CREB1: variants seen among roughly 807,000 people sequenced by gnomAD.
CREB1 encodes the protein cyclic AMP-responsive element-binding protein 1.
Under a neutral mutation model 42.0 loss-of-function variants are expected in CREB1, and 2 were observed. That is an observed-to-expected ratio of 0.05 (90% CI 0.02 to 0.15). CREB1 has a LOEUF of 0.15. Ranked by LOEUF, CREB1 falls within the 10% of genes least tolerant of loss-of-function variation. The pLI, the probability that CREB1 is intolerant of heterozygous loss-of-function variation, is 1.00. For missense variants in CREB1, 199 were observed against 388.9 expected, an observed-to-expected ratio of 0.51 and a Z score of 4.11; for synonymous variants, 123 against 139.9, an observed-to-expected ratio of 0.88 and a Z score of 0.85.
rs183750763 is a variant in CREB1, at chr2:207,573,192, G to A, written c.506-2080G>A. On this transcript the variant is annotated intron_variant, in intron 5 of 7. Coordinates refer to ENST00000353267, the MANE Select transcript of CREB1 (RefSeq NM_004379.5). ...GTTTTATATAACTAAGGATACATCC[G>A]TTACTTGACTTCTGTCTTTTTATTT... 7.2e-5 allele frequency among the ~76,000 whole-genome samples: 11 copies of A among 152,226 alleles called. No homozygotes were observed. The East Asian group carries it at 1.5e-3, about 21-fold the overall frequency.
intron 2 of CREB1, 77 bp downstream of exon 2, chr2:207,555,826 T>G (rs1468755446): frequency 1.3e-6 from 1 of 791,402 alleles, no homozygotes; most frequent in Non-Finnish European, 2.1e-6. Flanking sequence ...TAGTTGTTAT[T>G]ACATAGATAT....
At chr2:207,567,184 G>A (rs2082170706) in intron 3 of CREB1, among the ~76,000 whole-genome samples, 1 of 151,820 alleles carries the variant, frequency 6.6e-6, no homozygotes, top group African/African-American at 2.4e-5. Context: ...ACAGATGTAA[G>A]AAAAAACTGA....
intron 1 of CREB1, among the ~76,000 whole-genome samples, chr2:207,544,941 A>C (rs2081240958): frequency 6.6e-6 from 1 of 152,144 alleles, no homozygotes; most frequent in Admixed American, 6.5e-5. Context: ...GTGTGTATGT[A>C]CCACATTTTC....
intron 7 of CREB1, among the ~76,000 whole-genome samples, chr2:207,584,237 G>A (rs541386647): frequency 7.7e-4 from 117 of 152,220 alleles, no homozygotes; most frequent in Admixed American, 1.9e-3. Flanking sequence ...CTGTCCAATT[G>A]TTTTCCAAAA....
intron 3 of CREB1, among the ~76,000 whole-genome samples, chr2:207,565,785 C>T (rs1209959993): frequency 6.6e-6 from 1 of 152,162 alleles, no homozygotes; most frequent in African/African-American, 2.4e-5. Flanking sequence ...AGGGAAACAA[C>T]ACTTGTCACA....
intron 1 of CREB1, among the ~76,000 whole-genome samples, chr2:207,530,431 C>T (rs1333740836): frequency 4.1e-5 from 6 of 145,004 alleles, no homozygotes; most frequent in Middle Eastern, 7.2e-3. Flanking sequence ...GAGCCGGCGG[C>T]CGGGGGTGTG....
At chr2:207,576,111 T>G (rs1245274501) in intron 6 of CREB1, among the ~76,000 whole-genome samples, 1 of 151,704 alleles carries the variant, frequency 6.6e-6, no homozygotes, top group Non-Finnish European at 1.5e-5. Flanking sequence ...CCTCTGCACT[T>G]GACTCAGTTT....
rs2087913335 is a variant in CREB1, at chr2:207,605,368, T to C, written c.*8310T>C. Among the ~76,000 whole-genome samples the C allele has an allele frequency of 6.6e-6, 1 of 152,202 alleles. No homozygotes were observed. Among genetic ancestry groups the C allele is most frequent in the South Asian group, 2.1e-4 (1 of 4,830 alleles). On this transcript the variant is annotated 3_prime_UTR_variant, in exon 8 of 8. Coordinates refer to ENST00000353267, the MANE Select transcript of CREB1 (RefSeq NM_004379.5). Reference sequence around the variant, plus strand: ...CATCTGCGTATCTTCTTTGAAGAAATGTCTGTTGAGGTCCTTTGTTCATTG... The same window carrying C: ...CATCTGCGTATCTTCTTTGAAGAAACGTCTGTTGAGGTCCTTTGTTCATTG...
At chr2:207,540,135 G>A (rs1377247000) in intron 1 of CREB1, among the ~76,000 whole-genome samples, 3 of 152,286 alleles carry the variant, frequency 2.0e-5, no homozygotes, top group African/African-American at 2.4e-5. Flanking sequence ...TCCTGTGCTA[G>A]TGTAAGCAAA....
intron 1 of CREB1, among the ~76,000 whole-genome samples, chr2:207,552,967 AT>A (rs1404236852): frequency 6.7e-6 from 1 of 148,164 alleles, no homozygotes; most frequent in Non-Finnish European, 1.5e-5. Flanking sequence ...GAGTGTATTC[AT>A]TTGTTTATTT....
At chr2:207,576,668 G>C in intron 6 of CREB1, 1 of 1,290,198 alleles carries the variant, frequency 7.8e-7, no homozygotes, top group Non-Finnish European at 1.0e-6. Flanking sequence ...CAGTGAATTT[G>C]AATTCTGAAC....
intron 7 of CREB1, among the ~76,000 whole-genome samples, chr2:207,586,094 G>A (rs1008189025): frequency 2.0e-5 from 3 of 151,962 alleles, no homozygotes; most frequent in African/African-American, 7.2e-5. Context: ...CAAAAACAAA[G>A]AAAAAATTCT....
chr2:207,602,663 T>C lies in CREB1; in HGVS notation c.*5605T>C, dbSNP rs572032876. 7.9e-4 allele frequency: 167 copies of C among 210,206 alleles called. 1 individual carries two copies. Among genetic ancestry groups the C allele is most frequent in the African/African-American group, 3.7e-3 (163 of 44,212 alleles). 13.0% of individuals were successfully genotyped at this position (210,206 alleles called of 1,614,324 possible). On this transcript the variant is annotated 3_prime_UTR_variant, in exon 8 of 8. Coordinates refer to ENST00000353267, the MANE Select transcript of CREB1 (RefSeq NM_004379.5). ...CTATCATTGTGTTTGGGAGGTTTTA[T>C]TTTCTTATGTTTTTAAAATTGGTAA...
rs532632789 is a variant in CREB1, at chr2:207,597,298, T to G, written c.*240T>G. ...ACGCCAGGAATCATGAAGAGACTTCTGCTTTTCAACCCCCACCCTCCTCAA... is the reference window on the plus strand; with the variant it reads ...ACGCCAGGAATCATGAAGAGACTTCGGCTTTTCAACCCCCACCCTCCTCAA... On this transcript the variant is annotated 3_prime_UTR_variant, in exon 8 of 8. Transcript: ENST00000353267. 2.4e-5 allele frequency: 10 copies of G among 415,618 alleles called. No individual in the cohort carries two copies. The South Asian group carries it at 4.8e-4, about 20-fold the overall frequency. 25.7% of individuals were successfully genotyped at this position (415,618 alleles called of 1,614,324 possible).
intron 3 of CREB1, among the ~76,000 whole-genome samples, chr2:207,564,053 T>C (rs1382152407): frequency 6.6e-6 from 1 of 152,090 alleles, no homozygotes; most frequent in African/African-American, 2.4e-5. Flanking sequence ...TTAATATTTA[T>C]GCTTATCATA....
At chr2:207,566,348 C>G (rs1004754904) in intron 3 of CREB1, among the ~76,000 whole-genome samples, 2 of 152,122 alleles carry the variant, frequency 1.3e-5, no homozygotes, top group African/African-American at 4.8e-5. Context: ...CTACATAGAC[C>G]CTTTTGTCTT....
intron 2 of CREB1, among the ~76,000 whole-genome samples, chr2:207,557,564 C>A (rs2081779692): frequency 6.6e-6 from 1 of 151,946 alleles, no homozygotes; most frequent in Non-Finnish European, 1.5e-5. Flanking sequence ...CTCCTGTAGT[C>A]CCAGCTACTC....
intron 7 of CREB1, chr2:207,582,833 C>T: frequency 3.0e-6 from 1 of 329,800 alleles, no homozygotes; most frequent in South Asian, 2.3e-5. Flanking sequence ...GTGGAAGTTG[C>T]AGTGAGCTGA....
In CREB1 at chr2:207,539,919, A is replaced by G. The variant is rs557921846; in HGVS notation, c.-9+9785A>G. On this transcript the variant is annotated intron_variant, in intron 1 of 7. Coordinates refer to ENST00000353267, the MANE Select transcript of CREB1 (RefSeq NM_004379.5). ...GAAGAAAGTATTAGATTATAGATCT[A>G]CATTTTGAGGAATGCTGAGTATGAG... is the stretch of plus-strand genomic sequence containing the variant. Among the ~76,000 whole-genome samples the G allele has an allele frequency of 2.0e-5, 3 of 152,344 alleles. No homozygotes were observed. In the East Asian group the frequency reaches 5.8e-4, roughly 29 times the overall value.
Sources: gnomAD v4.1 joint callset for allele counts (sites outside exome capture counted in the v4.1 genomes callset) on GRCh38, gnomAD v4.1.1 for gene constraint, MANE v1.5 for transcripts, NCBI Gene and HGNC (gene_info 2026-07-23, HGNC 2026-07-21) for gene names.